Variants in CCDC82 observed in about 807,000 individuals in gnomAD.
CCDC82 encodes the protein coiled-coil domain-containing protein 82.
Under a neutral mutation model 60.6 loss-of-function variants are expected in CCDC82, and 47 were observed. The ratio of observed to expected loss-of-function variants is 0.77; its 90% CI spans 0.61 to 0.99. The LOEUF (loss-of-function observed/expected upper bound fraction) is 0.99, where lower values mean the gene tolerates loss of function less well. Among genes scored for constraint, CCDC82 ranks in the 50% least tolerant of loss-of-function variants. The probability of loss-of-function intolerance (pLI) is 0.00; values close to 1 mark genes in which losing one functional copy is unlikely to be tolerated. For missense variants in CCDC82, 588 were observed against 633.0 expected (o/e 0.93, Z 0.76); for synonymous variants, 212 against 207.4 (o/e 1.02, Z -0.19).
rs752039830 is a variant in CCDC82, at chr11:96,353,724, C to A, written c.1567-10G>T. On this transcript the variant is annotated splice_polypyrimidine_tract_variant and intron_variant, in intron 9 of 9. Coordinates refer to ENST00000646818, the MANE Select transcript of CCDC82 (RefSeq NM_024725.4). ...CAAGTTGACCATATTTCTGCATATACAATAGAAAAGCTAGTTATTTTACTC... is the reference window on the plus strand; with the variant it reads ...CAAGTTGACCATATTTCTGCATATAAAATAGAAAAGCTAGTTATTTTACTC... 1.9e-6 allele frequency: 3 copies of A among 1,598,444 alleles called. No homozygotes were observed. The highest frequency in any genetic ancestry group is 2.6e-6 in the Non-Finnish European group (3 of 1,169,914).
At chr11:96,358,499 T>C (rs1185267487) in intron 9 of CCDC82, 8 of 1,231,546 alleles carry the variant, frequency 6.5e-6, no homozygotes, top group Non-Finnish European at 8.1e-6. Flanking sequence ...TCAGTTACAG[T>C]GCTCACTGCT....
At chr11:96,369,963 C>T (rs984194184) in intron 7 of CCDC82, among the ~76,000 whole-genome samples, 1 of 152,182 alleles carries the variant, frequency 6.6e-6, no homozygotes, top group Non-Finnish European at 1.5e-5. Flanking sequence ...TTTCATTTCA[C>T]AATAGGTAAA....
In CCDC82 at chr11:96,371,001, C is replaced by A. The variant is rs374507296; in HGVS notation, c.1209+12G>T. 1.3e-4 allele frequency: 192 copies of A among 1,534,844 alleles called. 2 individuals are homozygous for A. In the South Asian group the frequency reaches 2.4e-3, roughly 19 times the overall value. ...CAACCCCCAAGCAGAGATTCAAAAA[C>A]AAACTGTGTACCTTATATTGCTCTT... On this transcript the variant is annotated intron_variant, in intron 7 of 9. Transcript: ENST00000646818.
intron 1 of CCDC82, chr11:96,388,512 C>T (rs981852138): frequency 2.6e-5 from 4 of 152,142 alleles, no homozygotes; most frequent in African/African-American, 9.7e-5. Context: ...ATGTTATCTG[C>T]CAAAGAATAT....
At chr11:96,376,069 A>C (rs1827579122) in intron 5 of CCDC82, among the ~76,000 whole-genome samples, 1 of 152,208 alleles carries the variant, frequency 6.6e-6, no homozygotes, top group Non-Finnish European at 1.5e-5. Flanking sequence ...AAAAGTATTA[A>C]AGAGGAAACT....
intron 6 of CCDC82, 94 bp downstream of exon 6, chr11:96,373,281 G>T: frequency 1.4e-6 from 1 of 722,884 alleles, no homozygotes; most frequent in Non-Finnish European, 2.3e-6. Context: ...ATCCTCATTG[G>T]TTTTGTTTAA....
intron 6 of CCDC82, among the ~76,000 whole-genome samples, chr11:96,371,900 T>C (rs192350204): frequency 7.2e-5 from 11 of 152,356 alleles, no homozygotes; most frequent in Admixed American, 2.0e-4. Context: ...ATATTCTCTA[T>C]ATACATCTGT....
At chr11:96,376,490 C>T (rs1208430743) in intron 5 of CCDC82, among the ~76,000 whole-genome samples, 4 of 150,930 alleles carry the variant, frequency 2.7e-5, no homozygotes, top group Non-Finnish European at 2.9e-5. Flanking sequence ...TGCAGTGGCA[C>T]GATCTTGGCT....
In CCDC82 at chr11:96,353,003, T is replaced by G. The variant is rs760215295; in HGVS notation, c.*643A>C. ...TGAATAGAAAAAAGTAAGAACATTA[T>G]AAAGCATGAAAATTTACATAAAATT... is the stretch of plus-strand genomic sequence containing the variant. On this transcript the variant is annotated 3_prime_UTR_variant, in exon 10 of 10. Coordinates refer to ENST00000646818, the MANE Select transcript of CCDC82 (RefSeq NM_024725.4). 1 of 152,160 alleles carries G rather than the reference T, an allele frequency of 6.6e-6. No homozygotes were observed. Among genetic ancestry groups the G allele is most frequent in the Non-Finnish European group, 1.5e-5 (1 of 68,004 alleles). 9.4% of individuals were successfully genotyped at this position (152,160 alleles called of 1,614,324 possible).
At chr11:96,355,782 C>G (rs1864315453) in intron 9 of CCDC82, 1 of 152,102 alleles carries the variant, frequency 6.6e-6, no homozygotes, top group African/African-American at 2.4e-5. Context: ...CCTAAAGATA[C>G]TGCTCTCATA....
At chr11:96,387,683 T>TC (rs1866274163) in intron 1 of CCDC82, 70 bp from the exon 2 acceptor site, 1 of 152,210 alleles carries the variant, frequency 6.6e-6, no homozygotes, top group South Asian at 2.1e-4. Flanking sequence ...TATCTCTCAT[T>TC]CATGCTGTAT....
chr11:96,357,089 G>T lies in CCDC82; in HGVS notation c.1566+1904C>A. ...AGCTAAAGGCAGCACACATCACAAA[G>T]TACATGCAGTGCTATCACTCAAAGG... On this transcript the variant is annotated intron_variant, in intron 9 of 9. Coordinates refer to ENST00000646818, the MANE Select transcript of CCDC82 (RefSeq NM_024725.4). 4 of 985,410 alleles carry T rather than the reference G, an allele frequency of 4.1e-6. No individual in the cohort carries two copies. The South Asian group carries it at 1.9e-4, about 46-fold the overall frequency. The allele number at this position is 985,410 out of a possible 1,614,324, so 61.0% of individuals were successfully genotyped here.
chr11:96,357,161 C>A, intron 9 of CCDC82: 1 of 985,398 alleles, frequency 1.0e-6, no homozygotes, highest in Non-Finnish European at 1.2e-6. Context: ...AATGTCAGAG[C>A]ACGTGACAAA....
At chr11:96,358,402 C>G in intron 9 of CCDC82, 1 of 1,225,968 alleles carries the variant, frequency 8.2e-7, no homozygotes, top group Non-Finnish European at 1.0e-6. Context: ...CCCCACTTTA[C>G]TCCTGTTATC....
At chr11:96,354,577 T>C (rs1465485844) in intron 9 of CCDC82, 1 of 152,162 alleles carries the variant, frequency 6.6e-6, no homozygotes, top group Non-Finnish European at 1.5e-5. Flanking sequence ...GTTATGGGTC[T>C]GTGATAACAA....
chr11:96,367,217 A>G (rs1368610281), intron 7 of CCDC82, among the ~76,000 whole-genome samples: 1 of 152,240 alleles, frequency 6.6e-6, no homozygotes, highest in Non-Finnish European at 1.5e-5. Flanking sequence ...TAAGACAACA[A>G]TAAAGTTTGT....
At chr11:96,360,615 C>A (rs1864609980) in intron 8 of CCDC82, among the ~76,000 whole-genome samples, 1 of 152,118 alleles carries the variant, frequency 6.6e-6, no homozygotes, top group African/African-American at 2.4e-5. Flanking sequence ...GAGTAAACTT[C>A]CTGCTGACTT....
intron 1 of CCDC82, chr11:96,388,152 T>A (rs1173850747): frequency 6.6e-6 from 1 of 152,180 alleles, no homozygotes; most frequent in African/African-American, 2.4e-5. Flanking sequence ...AAATTGTAGG[T>A]AGCTTTACTA....
At chr11:96,371,511 G>A (rs760876642) in intron 6 of CCDC82, among the ~76,000 whole-genome samples, 9 of 152,230 alleles carry the variant, frequency 5.9e-5, no homozygotes, top group African/African-American at 2.2e-4. Context: ...GAACCCGGGA[G>A]GGGGAGCTTA....
Sources: allele counts gnomAD v4.1 joint callset (sites outside exome capture counted in the v4.1 genomes callset), GRCh38; gene constraint gnomAD v4.1.1; transcripts MANE v1.5; gene names NCBI Gene and HGNC (gene_info 2026-07-23, HGNC 2026-07-21).